The following PRKN variants were observed in gnomAD, a reference collection of about 807,000 sequenced individuals.
PRKN encodes parkin RBR E3 ubiquitin protein ligase, also known as E3 ubiquitin-protein ligase parkin.
Under a neutral mutation model 59.5 loss-of-function variants are expected in PRKN, and 56 were observed. The ratio of observed to expected loss-of-function variants is 0.94; its 90% CI spans 0.76 to 1.18. The LOEUF (loss-of-function observed/expected upper bound fraction) is 1.18, where lower values mean the gene tolerates loss of function less well. Among genes scored for constraint, PRKN ranks in the 50% most tolerant of loss-of-function variants. The probability of loss-of-function intolerance (pLI) is 0.00; values close to 1 mark genes in which losing one functional copy is unlikely to be tolerated. For synonymous variants in PRKN, 250 were observed against 222.1 expected (o/e 1.13, Z -1.12); for missense variants, 657 against 596.4 (o/e 1.10, Z -1.06).
At chr6:161,957,590 A>C (rs1470315396) in intron 6 of PRKN, among the ~76,000 whole-genome samples, 3 of 151,892 alleles carry the variant, frequency 2.0e-5, no homozygotes, top group Non-Finnish European at 2.9e-5. Context: ...ACGCTCAGCT[A>C]ATTTCTGTAT....
In PRKN at chr6:161,518,451, G is replaced by C. The variant is rs1015218595; in HGVS notation, c.1083+30403C>G. On this transcript the variant is annotated intron_variant, in intron 9 of 11. Coordinates refer to ENST00000366898, the MANE Select transcript of PRKN (RefSeq NM_004562.3). The surrounding 1 kb of genome is among the most constrained non-coding windows in gnomAD (Gnocchi z 5.0). ...ACTTGGGAGGCTGGGCAGCAGCCTGGGCAGCAAGGTCAAGTGCAGGCTGCT... is the reference window on the plus strand; with the variant it reads ...ACTTGGGAGGCTGGGCAGCAGCCTGCGCAGCAAGGTCAAGTGCAGGCTGCT... Among the ~76,000 whole-genome samples, 16 of 152,334 alleles carry C rather than the reference G, an allele frequency of 1.1e-4. No homozygotes were observed. The highest frequency in any genetic ancestry group is 3.8e-4 in the African/African-American group (16 of 41,580).
At chr6:161,675,960 GTAGCAAGAGC>G (rs1242746572) in intron 7 of PRKN, among the ~76,000 whole-genome samples, 1 of 152,238 alleles carries the variant, frequency 6.6e-6, no homozygotes, top group Non-Finnish European at 1.5e-5. Context: ...CAGGTCACAT[GTAGCAAGAGC>G]TCTGCTTAAG....
chr6:161,818,435 A>G (rs1029897466), intron 6 of PRKN, among the ~76,000 whole-genome samples: 4 of 151,922 alleles, frequency 2.6e-5, no homozygotes, highest in Non-Finnish European at 5.9e-5. Flanking sequence ...CCCATGCCCA[A>G]GTATCTCCTG....
intron 2 of PRKN, among the ~76,000 whole-genome samples, chr6:162,288,847 C>G (rs1462466733): frequency 6.6e-6 from 1 of 152,144 alleles, no homozygotes; most frequent in Non-Finnish European, 1.5e-5. Context: ...AAGGCTGAAG[C>G]CCCTTGAGGA....
chr6:162,594,410 T>A (rs13193282), intron 1 of PRKN, among the ~76,000 whole-genome samples: 1 of 152,162 alleles, frequency 6.6e-6, no homozygotes, highest in African/African-American at 2.4e-5. Context: ...TTATTAATTT[T>A]AAAAATACAT....
chr6:162,176,350 C>T (rs1783533093), intron 4 of PRKN, among the ~76,000 whole-genome samples: 1 of 152,102 alleles, frequency 6.6e-6, no homozygotes, highest in Non-Finnish European at 1.5e-5. Context: ...TGTGCAGTCA[C>T]TAGACTCAAA....
intron 1 of PRKN, among the ~76,000 whole-genome samples, chr6:162,612,735 CCA>C (rs1782249200): frequency 6.6e-6 from 1 of 151,718 alleles, no homozygotes; most frequent in Non-Finnish European, 1.5e-5. Context: ...TACAGTGTCC[CCA>C]GAGTTACGCT....
At chr6:162,106,430 C>A (rs1780197720) in intron 4 of PRKN, among the ~76,000 whole-genome samples, 1 of 146,182 alleles carries the variant, frequency 6.8e-6, no homozygotes, top group African/African-American at 2.5e-5. Flanking sequence ...ATGAAGAAAG[C>A]AGGAAAGCAT....
At chr6:162,049,844 T>C (rs1199673050) in intron 5 of PRKN, among the ~76,000 whole-genome samples, 1 of 152,204 alleles carries the variant, frequency 6.6e-6, no homozygotes, top group Non-Finnish European at 1.5e-5. Context: ...TCTCCTGATG[T>C]CGTGGGCTCA....
At chr6:162,286,809 A>G (rs914338719) in intron 2 of PRKN, among the ~76,000 whole-genome samples, 2 of 152,214 alleles carry the variant, frequency 1.3e-5, no homozygotes, top group African/African-American at 4.8e-5. Context: ...CTTTAATTTC[A>G]TAACGACTCC....
At chr6:161,619,299 C>T (rs1430992359) in intron 7 of PRKN, among the ~76,000 whole-genome samples, 1 of 142,962 alleles carries the variant, frequency 7.0e-6, no homozygotes, top group Non-Finnish European at 1.5e-5. Context: ...CTAAGGCCAC[C>T]ATAGGGAAAG....
rs369867045 is a variant in PRKN at position 161,983,892 on chromosome 6, A to C, written c.619-10475T>G. Reference sequence around the variant, plus strand: ...TGCACAATGTGCACATGTACCCTAAAACTTAGAGTATAATAAAAAAAAAAA... The same window carrying C: ...TGCACAATGTGCACATGTACCCTAACACTTAGAGTATAATAAAAAAAAAAA... On this transcript the variant is annotated intron_variant, in intron 5 of 11. Transcript: ENST00000366898. Among the ~76,000 whole-genome samples, 41 of 150,308 alleles carry C rather than the reference A, an allele frequency of 2.7e-4. 2 individuals are homozygous for C. In the South Asian group the frequency reaches 8.7e-3, roughly 32 times the overall value.
rs1204770713 is a variant in PRKN, at chr6:161,399,732, T to C, written c.1084-12855A>G. Among the ~76,000 whole-genome samples, 1 of 152,186 alleles carries C rather than the reference T, an allele frequency of 6.6e-6. No individual in the cohort carries two copies. Among genetic ancestry groups the C allele is most frequent in the Admixed American group, 6.5e-5 (1 of 15,282 alleles). ...GCTAGGGATGATGCCAGCATTCTAG[T>C]GTAATTCACTCTGCTAGTGTAATTC... On this transcript the variant is annotated intron_variant, in intron 9 of 11. Transcript: ENST00000366898. This position sits in a 1 kb window ranked among gnomAD's most constrained non-coding sequence, Gnocchi z 4.4.
At chr6:161,541,128 C>T (rs1259683300) in intron 9 of PRKN, among the ~76,000 whole-genome samples, 4 of 152,222 alleles carry the variant, frequency 2.6e-5, no homozygotes, top group Non-Finnish European at 4.4e-5. Context: ...CAGACTGGAA[C>T]TGTCCAGTAG....
intron 1 of PRKN, among the ~76,000 whole-genome samples, chr6:162,698,725 A>G (rs912403829): frequency 6.6e-6 from 1 of 152,148 alleles, no homozygotes; most frequent in Non-Finnish European, 1.5e-5. Context: ...TTCTCTTCAC[A>G]ATCCAGTACC....
rs1366884653 is a variant in PRKN, at chr6:161,916,958, T to C, written c.734+56344A>G. On this transcript the variant is annotated intron_variant, in intron 6 of 11. Coordinates refer to ENST00000366898, the MANE Select transcript of PRKN (RefSeq NM_004562.3). The stretch of plus-strand genomic sequence containing the variant: ...CTGGGACTACAGGCGCCCGCCACCA[T>C]GCCCGGCTAAATGTTTTGTATTTTT... 4.6e-5 allele frequency among the ~76,000 whole-genome samples: 7 copies of C among 151,972 alleles called. No homozygotes were observed. The South Asian group carries it at 1.0e-3, about 23-fold the overall frequency.
Position 162,144,576 on chromosome 6 carries a change from C to T in PRKN, c.534+56555G>A, listed in dbSNP as rs187947303. On this transcript the variant is annotated intron_variant, in intron 4 of 11. Coordinates refer to ENST00000366898, the MANE Select transcript of PRKN (RefSeq NM_004562.3). ...CTACAATGTCTGCAGTAGGTGCACA[C>T]GAACTGTAGGACCTATGGTCACAGG... Among the ~76,000 whole-genome samples the T allele has an allele frequency of 9.5e-4, 144 of 152,264 alleles. 1 individual carries two copies. Among genetic ancestry groups the T allele is most frequent in the African/African-American group, 3.1e-3 (127 of 41,562 alleles).
intron 1 of PRKN, among the ~76,000 whole-genome samples, chr6:162,556,370 T>TGTGTGTGTGC (rs1779591270): frequency 1.0e-5 from 1 of 99,298 alleles, no homozygotes; most frequent in Admixed American, 1.1e-4. Flanking sequence ...TGTGTGTGTG[T>TGTGTGTGTGC]GTGTGTGTGT....
chr6:161,639,056 T>C (rs1783638946), intron 7 of PRKN, among the ~76,000 whole-genome samples: 1 of 152,126 alleles, frequency 6.6e-6, no homozygotes, highest in Non-Finnish European at 1.5e-5. Flanking sequence ...TGACGGTTTT[T>C]CCCCCTTTTG....
Sources: gnomAD v4.1 joint callset for allele counts (sites outside exome capture counted in the v4.1 genomes callset) on GRCh38, gnomAD v4.1.1 for gene constraint, Gnocchi (gnomAD v3.1) non-coding constraint, MANE v1.5 for transcripts, NCBI Gene and HGNC (gene_info 2026-07-23, HGNC 2026-07-21) for gene names.